Variants in CFAP97D2 observed in about 807,000 individuals in gnomAD.
The protein encoded by CFAP97D2 is uncharacterized protein CFAP97D2.
At position 114,182,276 on chromosome 13, in the gene CFAP97D2, G is replaced by A. The variant is rs989672267; in HGVS notation, c.90+2856G>A. 1.4e-4 allele frequency among the ~76,000 whole-genome samples: 22 copies of A among 152,124 alleles called. 1 individual carries two copies. The highest frequency in any genetic ancestry group is 4.2e-4 in the South Asian group (2 of 4,798). On this transcript the variant is annotated intron_variant, in intron 1 of 4. Coordinates refer to ENST00000646158, the Ensembl canonical transcript of CFAP97D2. Reference sequence around the variant, plus strand: ...TTTCTCTCCGCCCAAACATCTCAGTGGAGTAAAGAATAACAAGGCAGCATT... The same window carrying A: ...TTTCTCTCCGCCCAAACATCTCAGTAGAGTAAAGAATAACAAGGCAGCATT...
At chr13:114,206,737 G>T (rs984535146) in intron 3 of CFAP97D2, among the ~76,000 whole-genome samples, 2 of 152,208 alleles carry the variant, frequency 1.3e-5, no homozygotes, top group Non-Finnish European at 2.9e-5. Flanking sequence ...TGACTGTTGA[G>T]GACTGTGGGC....
At position 114,186,802 on chromosome 13, in the gene CFAP97D2, T is replaced by C. The variant is rs750749115; in HGVS notation, c.90+7382T>C. Among the ~76,000 whole-genome samples the C allele has an allele frequency of 5.9e-5, 9 of 152,222 alleles. No individual in the cohort carries two copies. The highest frequency in any genetic ancestry group is 1.0e-4 in the Non-Finnish European group (7 of 68,026). Reference sequence around the variant, plus strand: ...CACTGCAGCAGCTGGCATGACTGGCTGTGCAGTGACTGGACCCCACACTCA... The same window carrying C: ...CACTGCAGCAGCTGGCATGACTGGCCGTGCAGTGACTGGACCCCACACTCA... On this transcript the variant is annotated intron_variant, in intron 1 of 4. Transcript: ENST00000646158. This position sits in a 1 kb window ranked among gnomAD's most constrained non-coding sequence, Gnocchi z 4.3.
At chr13:114,206,953 G>A (rs1221828926) in intron 3 of CFAP97D2, among the ~76,000 whole-genome samples, 1 of 152,192 alleles carries the variant, frequency 6.6e-6, no homozygotes, top group Non-Finnish European at 1.5e-5. Context: ...TATGGGATCA[G>A]GGAGGAGTTC....
At chr13:114,198,547 A>G (rs1290065980) in intron 2 of CFAP97D2, among the ~76,000 whole-genome samples, 1 of 152,236 alleles carries the variant, frequency 6.6e-6, no homozygotes, top group Non-Finnish European at 1.5e-5. Flanking sequence ...ATTTTACAAG[A>G]TAGTGCCTCG....
chr13:114,205,599 A>C (rs1440845483), intron 3 of CFAP97D2, among the ~76,000 whole-genome samples: 1 of 151,926 alleles, frequency 6.6e-6, no homozygotes, highest in African/African-American at 2.4e-5. Context: ...GTGAAACAGC[A>C]TTTAGAACAG....
At chr13:114,180,269 C>T (rs1443819477) in intron 1 of CFAP97D2, among the ~76,000 whole-genome samples, 1 of 152,188 alleles carries the variant, frequency 6.6e-6, no homozygotes, top group Non-Finnish European at 1.5e-5. Flanking sequence ...TAAGTGACTA[C>T]CCCAAGGAGT....
At chr13:114,183,839 C>G (rs9562083) in intron 1 of CFAP97D2, among the ~76,000 whole-genome samples, 10,153 of 152,256 alleles carry the variant, frequency 0.067, 685 homozygotes, top group East Asian at 0.35. Flanking sequence ...ACATTCGAGG[C>G]ATAGCAACCT....
rs1415897840 is a variant in CFAP97D2, at chr13:114,198,829, C to G, written c.172-1496C>G. Among the ~76,000 whole-genome samples the G allele has an allele frequency of 4.1e-4, 25 of 61,102 alleles. 2 individuals are homozygous for G. Among genetic ancestry groups the G allele is most frequent in the African/African-American group, 1.9e-3 (12 of 6,202 alleles). The allele number at this position is 61,102 out of a possible 152,430, so 40.1% of individuals were successfully genotyped here. A position where few individuals can be genotyped will look rare whatever the true frequency, so the allele number is the denominator to read the frequency against. On this transcript the variant is annotated intron_variant, in intron 2 of 4. Transcript: ENST00000646158. ...CCCGTGTGTACGGTCCCCGCTGAGG[C>G]GTGACAGCGCGTCCCCGTGTGTACG...
At chr13:114,215,305 A>G (rs1229379485) in intron 4 of CFAP97D2, among the ~76,000 whole-genome samples, 2 of 152,224 alleles carry the variant, frequency 1.3e-5, no homozygotes, top group African/African-American at 2.4e-5. Context: ...TTATTAATCT[A>G]TAGTAAGTAT....
chr13:114,179,425 GA>G lies in CFAP97D2; in HGVS notation c.90+8del. On this transcript the variant is annotated splice_donor_region_variant and intron_variant, in intron 1 of 4. Transcript: ENST00000646158. This position sits in a 1 kb window ranked among gnomAD's most constrained non-coding sequence, Gnocchi z 4.8. ...TATCAGGACCACAGGAGAAAGGTAG[GA>G]AAGTCCCCAATCCAGCCCTGACAGC... 2.5e-6 allele frequency: 1 copy of G among 398,654 alleles called. No homozygotes were observed. The highest frequency in any genetic ancestry group is 4.4e-6 in the Non-Finnish European group (1 of 226,080). The allele number at this position is 398,654 out of a possible 1,614,324, so 24.7% of individuals were successfully genotyped here. A position where few individuals can be genotyped will look rare whatever the true frequency, so the allele number is the denominator to read the frequency against.
At chr13:114,218,623 A>G (rs1293222283) in intron 4 of CFAP97D2, among the ~76,000 whole-genome samples, 1 of 152,196 alleles carries the variant, frequency 6.6e-6, no homozygotes, top group Non-Finnish European at 1.5e-5. Flanking sequence ...CTGACTTCAA[A>G]CTATACTACA....
intron 4 of CFAP97D2, among the ~76,000 whole-genome samples, chr13:114,217,403 A>T (rs1594523390): frequency 6.6e-6 from 1 of 152,356 alleles, no homozygotes; most frequent in East Asian, 1.9e-4. Context: ...ATCCAAAAAA[A>T]GTCCAGGACC....
intron 1 of CFAP97D2, among the ~76,000 whole-genome samples, chr13:114,180,936 T>C (rs1172231343): frequency 6.6e-6 from 1 of 152,100 alleles, no homozygotes; most frequent in Non-Finnish European, 1.5e-5. Flanking sequence ...GCAGAGATGA[T>C]TGAATAGTGA....
At chr13:114,206,349 C>T (rs1271028883) in intron 3 of CFAP97D2, among the ~76,000 whole-genome samples, 3 of 152,116 alleles carry the variant, frequency 2.0e-5, no homozygotes, top group African/African-American at 7.2e-5. Flanking sequence ...ATGATCTGCC[C>T]ACCTCAGCCT....
rs1379282271 is a variant in CFAP97D2, at chr13:114,186,909, C to G, written c.90+7489C>G. Among the ~76,000 whole-genome samples the G allele has an allele frequency of 6.6e-6, 1 of 152,248 alleles. No individual in the cohort carries two copies. Among genetic ancestry groups the G allele is most frequent in the South Asian group, 2.1e-4 (1 of 4,834 alleles). ...GGCCAGTAGCATGAGCTGAGCACAG[C>G]CTGCCAGTCCAAGTGGGCCCAGTGG... On this transcript the variant is annotated intron_variant, in intron 1 of 4. Coordinates refer to ENST00000646158, the Ensembl canonical transcript of CFAP97D2. The surrounding 1 kb of genome is among the most constrained non-coding windows in gnomAD (Gnocchi z 4.3).
chr13:114,184,977 T>TA (rs1423674825), intron 1 of CFAP97D2, among the ~76,000 whole-genome samples: 1 of 152,238 alleles, frequency 6.6e-6, no homozygotes, highest in Non-Finnish European at 1.5e-5. Context: ...GTGAAACGAA[T>TA]AAGCAGCCAC....
chr13:114,189,521 T>A lies in CFAP97D2; in HGVS notation c.91-6875T>A, dbSNP rs1258315487. Among the ~76,000 whole-genome samples, 1 of 152,106 alleles carries A rather than the reference T, an allele frequency of 6.6e-6. No homozygotes were observed. Among genetic ancestry groups the A allele is most frequent in the African/African-American group, 2.4e-5 (1 of 41,416 alleles). On this transcript the variant is annotated intron_variant, in intron 1 of 4. Transcript: ENST00000646158. This position sits in a 1 kb window ranked among gnomAD's most constrained non-coding sequence, Gnocchi z 4.5. The stretch of plus-strand genomic sequence containing the variant: ...ACCTTATAACCAAAACCAAAGACAT[T>A]ACAAGAAAACAGTAAATCAATATCT...
chr13:114,221,026 A>T (rs1296602410), intron 4 of CFAP97D2, among the ~76,000 whole-genome samples: 1 of 152,242 alleles, frequency 6.6e-6, no homozygotes, highest in East Asian at 1.9e-4. Context: ...AGACAGGCGG[A>T]TCACGATTTC....
chr13:114,215,340 C>A (rs1192640285), intron 4 of CFAP97D2, among the ~76,000 whole-genome samples: 1 of 152,034 alleles, frequency 6.6e-6, no homozygotes, highest in Admixed American at 6.5e-5. Flanking sequence ...TACCTTTTTT[C>A]TATTATCAAT....
Sources: allele counts gnomAD v4.1 joint callset (sites outside exome capture counted in the v4.1 genomes callset), GRCh38; gene constraint gnomAD v4.1.1; non-coding constraint Gnocchi (gnomAD v3.1); transcripts MANE v1.5; gene names NCBI Gene and HGNC (gene_info 2026-07-23, HGNC 2026-07-21).